SKAP1: variants seen among roughly 807,000 people sequenced by gnomAD.
SKAP1 encodes the protein src kinase-associated phosphoprotein 1.
SKAP1 carries 44 observed loss-of-function variants against 58.5 expected under a neutral mutation model. That is an observed-to-expected ratio of 0.75 (90% confidence interval 0.59 to 0.97). The LOEUF is 0.97. Ranked by LOEUF, SKAP1 falls within the 50% of genes least tolerant of loss-of-function variation. The pLI, the probability that SKAP1 is intolerant of heterozygous loss-of-function variation, is 0.00. For synonymous variants in SKAP1, 127 were observed against 149.7 expected (o/e 0.85, Z 1.11); for missense variants, 390 against 435.2 (o/e 0.90, Z 0.92).
intron 4 of SKAP1, among the ~76,000 whole-genome samples, chr17:48,192,319 T>C (rs1026560008): frequency 1.8e-4 from 28 of 152,064 alleles, no homozygotes; most frequent in African/African-American, 6.5e-4. Context: ...AAAGGTCTTG[T>C]TAAACTTAGA....
At chr17:48,147,070 T>C (rs2063841658) in intron 11 of SKAP1, among the ~76,000 whole-genome samples, 1 of 152,334 alleles carries the variant, frequency 6.6e-6, no homozygotes, top group African/African-American at 2.4e-5. Context: ...TCACATTGAA[T>C]TGGGTTCCAA....
the SKAP1 span, among the ~76,000 whole-genome samples, chr17:48,438,589 C>G: frequency 6.6e-6 from 1 of 152,150 alleles, no homozygotes; most frequent in African/African-American, 2.4e-5. Context: ...TTCTCCCCAC[C>G]CACCTCCAGA....
chr17:48,346,361 C>T (rs772985907), intron 3 of SKAP1, among the ~76,000 whole-genome samples: 4 of 152,102 alleles, frequency 2.6e-5, no homozygotes, highest in Non-Finnish European at 4.4e-5. Context: ...TGGTGGGTCA[C>T]GCCTGTAATC....
intron 1 of SKAP1, among the ~76,000 whole-genome samples, chr17:48,427,636 A>G (rs959512710): frequency 1.3e-5 from 2 of 150,562 alleles, no homozygotes; most frequent in African/African-American, 2.5e-5. Flanking sequence ...TTAAAAGCAC[A>G]CACATTATGT....
intron 1 of SKAP1, among the ~76,000 whole-genome samples, chr17:48,405,604 G>T (rs1031425049): frequency 6.6e-6 from 1 of 150,744 alleles, no homozygotes; most frequent in Non-Finnish European, 1.5e-5. Flanking sequence ...CTGGGTTCAA[G>T]TGATTCCCCT....
intron 1 of SKAP1, among the ~76,000 whole-genome samples, chr17:48,426,765 A>G (rs2067857650): frequency 6.6e-6 from 1 of 152,164 alleles, no homozygotes; most frequent in Non-Finnish European, 1.5e-5. Flanking sequence ...AGAGCTTGAC[A>G]GAGTCTATCT....
chr17:48,251,394 AAGT>A (rs1260146099), intron 4 of SKAP1, among the ~76,000 whole-genome samples: 5 of 152,236 alleles, frequency 3.3e-5, no homozygotes, highest in African/African-American at 1.2e-4. Context: ...ATTAAAGTGA[AAGT>A]AGCACCATTC....
intron 11 of SKAP1, among the ~76,000 whole-genome samples, chr17:48,141,781 T>C (rs370907290): frequency 2.6e-5 from 4 of 152,156 alleles, no homozygotes; most frequent in Admixed American, 1.3e-4. Flanking sequence ...CTTAGTAAAA[T>C]AGAACTTGTC....
intron 4 of SKAP1, among the ~76,000 whole-genome samples, chr17:48,329,631 C>T (rs764782571): frequency 1.1e-4 from 17 of 152,090 alleles, no homozygotes; most frequent in Admixed American, 3.3e-4. Flanking sequence ...CGCTTGAACC[C>T]GGGAGGCGGA....
intron 1 of SKAP1, among the ~76,000 whole-genome samples, chr17:48,421,919 C>T (rs1012553774): frequency 6.2e-4 from 95 of 152,060 alleles, no homozygotes; most frequent in African/African-American, 2.2e-3. Context: ...TTGAAAGAAT[C>T]CCTAAAAGTC....
chr17:48,276,267 C>T (rs937416913), intron 4 of SKAP1, among the ~76,000 whole-genome samples: 4 of 152,090 alleles, frequency 2.6e-5, no homozygotes, highest in African/African-American at 9.7e-5. Context: ...TCTTTACTTT[C>T]TTTATTTGGT....
At chr17:48,255,895 T>A (rs1021386805) in intron 4 of SKAP1, among the ~76,000 whole-genome samples, 4 of 152,068 alleles carry the variant, frequency 2.6e-5, no homozygotes, top group Non-Finnish European at 4.4e-5. Flanking sequence ...TGAAATAAAT[T>A]GTATAAATGA....
At chr17:48,387,076 A>G (rs1450955132) in intron 2 of SKAP1, among the ~76,000 whole-genome samples, 1 of 152,234 alleles carries the variant, frequency 6.6e-6, no homozygotes, top group Non-Finnish European at 1.5e-5. Flanking sequence ...ATTCTGAAGC[A>G]TAATCACACT....
intron 4 of SKAP1, among the ~76,000 whole-genome samples, chr17:48,209,757 T>C (rs1396312299): frequency 6.6e-6 from 1 of 152,200 alleles, no homozygotes; most frequent in Non-Finnish European, 1.5e-5. Flanking sequence ...TAGATACTTT[T>C]CCCCTCAGAA....
intron 4 of SKAP1, among the ~76,000 whole-genome samples, chr17:48,242,643 C>T (rs1162514499): frequency 3.3e-5 from 5 of 152,150 alleles, no homozygotes; most frequent in Non-Finnish European, 7.4e-5. Context: ...TGGAGTTAAC[C>T]ACTGCAAGGA....
At chr17:48,306,847 A>T (rs1429182121) in intron 4 of SKAP1, among the ~76,000 whole-genome samples, 2 of 152,218 alleles carry the variant, frequency 1.3e-5, no homozygotes, top group Non-Finnish European at 2.9e-5. Context: ...GGAGACTACA[A>T]CCTATAATAG....
rs35201215 is a variant in SKAP1, at chr17:48,421,296, C to CT, written c.46+8778dup. Among the ~76,000 whole-genome samples, 921 of 119,214 alleles carry CT rather than the reference C, an allele frequency of 7.7e-3. 5 individuals carry two copies. The highest frequency in any genetic ancestry group is 0.01 in the Admixed American group (117 of 11,682). The allele number at this position is 119,214 out of a possible 152,430, so 78.2% of individuals were successfully genotyped here. A position where few individuals can be genotyped will look rare whatever the true frequency, so the allele number is the denominator to read the frequency against. On this transcript the variant is annotated intron_variant, in intron 1 of 12. Coordinates refer to ENST00000336915, the MANE Select transcript of SKAP1 (RefSeq NM_003726.4). ...TTTTACACACACAAAATAGAGTGTT[C>CT]TTTTTTTTTTTTTTTTTTTTTTAAA... is the stretch of plus-strand genomic sequence containing the variant.
intron 4 of SKAP1, among the ~76,000 whole-genome samples, chr17:48,320,185 A>G (rs1485680889): frequency 6.6e-6 from 1 of 152,202 alleles, no homozygotes; most frequent in Admixed American, 6.5e-5. Flanking sequence ...CATGAACCAC[A>G]AATAACAGAG....
chr17:48,389,720 A>T (rs868378864), intron 2 of SKAP1, among the ~76,000 whole-genome samples: 2 of 152,304 alleles, frequency 1.3e-5, no homozygotes, highest in Middle Eastern at 3.4e-3. Flanking sequence ...AGGAGGCTAC[A>T]CACTAGGAGA....
Sources: gnomAD v4.1 joint callset for allele counts (sites outside exome capture counted in the v4.1 genomes callset) on GRCh38, gnomAD v4.1.1 for gene constraint, MANE v1.5 for transcripts, NCBI Gene and HGNC (gene_info 2026-07-23, HGNC 2026-07-21) for gene names.